The following TMEM229B variants were observed in gnomAD, a reference collection of about 807,000 sequenced individuals.
The protein encoded by TMEM229B is transmembrane protein 229B.
Under a neutral mutation model 13.7 loss-of-function variants are expected in TMEM229B, and 6 were observed. That is an observed-to-expected ratio of 0.44 (90% CI 0.24 to 0.86). The LOEUF is 0.86. Ranked by LOEUF, TMEM229B falls within the 40% of genes least tolerant of loss-of-function variation. The pLI is 0.23. For missense variants in TMEM229B, 170 were observed against 236.0 expected (o/e 0.72, Z 1.83); for synonymous variants, 107 against 102.1 (o/e 1.05, Z -0.29).
chr14:67,482,272 TGAG>T, intron 2 of TMEM229B, among the ~76,000 whole-genome samples: 1 of 152,130 alleles, frequency 6.6e-6, no homozygotes, highest in Non-Finnish European at 1.5e-5. Flanking sequence ...GGCCAGCAGT[TGAG>T]AGGGGTAAAG....
chr14:67,524,464 G>A (rs79136694), intron 1 of TMEM229B, among the ~76,000 whole-genome samples: 156 of 152,240 alleles, frequency 1.0e-3, no homozygotes, highest in African/African-American at 3.7e-3. Flanking sequence ...GAGTGAGAAG[G>A]GGTAGACAAA....
chr14:67,487,545 C>T (rs570872643), intron 1 of TMEM229B, among the ~76,000 whole-genome samples: 54 of 152,288 alleles, frequency 3.5e-4, no homozygotes, highest in Middle Eastern at 3.4e-3. Context: ...TTCTCAAGGG[C>T]GGTCAGAACC....
chr14:67,524,710 C>T (rs556235361), intron 1 of TMEM229B, among the ~76,000 whole-genome samples: 292 of 152,266 alleles, frequency 1.9e-3, no homozygotes, highest in Non-Finnish European at 1.6e-3. Flanking sequence ...CTTGGACAAC[C>T]GCCAAACCAC....
At chr14:67,474,243 C>T (rs1424774552) in intron 2 of TMEM229B, among the ~76,000 whole-genome samples, 1 of 145,288 alleles carries the variant, frequency 6.9e-6, no homozygotes, top group Non-Finnish European at 1.5e-5. Context: ...CAGAGTGAGA[C>T]TCTGTCTCCA....
At chr14:67,491,625 C>T (rs546839091), upstream of TMEM229B, among the ~76,000 whole-genome samples, 408 of 152,306 alleles carry the variant, frequency 2.7e-3, 3 homozygotes, top group Admixed American at 4.0e-3. Flanking sequence ...GCACCCTGAC[C>T]CAGGTGCCCA....
chr14:67,496,404 T>G (rs998308592), intron 1 of TMEM229B, among the ~76,000 whole-genome samples: 2 of 129,060 alleles, frequency 1.5e-5, no homozygotes, highest in South Asian at 3.0e-4. Context: ...TTTTTTTTTT[T>G]TTTTTTTTTT....
chr14:67,509,688 T>C (rs1293882850), intron 1 of TMEM229B, among the ~76,000 whole-genome samples: 1 of 152,166 alleles, frequency 6.6e-6, no homozygotes, highest in Non-Finnish European at 1.5e-5. Flanking sequence ...TGGTCTATTA[T>C]CTGATCCAAG....
intron 1 of TMEM229B, among the ~76,000 whole-genome samples, chr14:67,497,548 G>A (rs889783879): frequency 6.6e-6 from 1 of 152,108 alleles, no homozygotes; most frequent in Non-Finnish European, 1.5e-5. Context: ...CATGACTTTG[G>A]AACGTTCTAC....
exon 1 of TMEM229B, chr14:67,533,723 G>A: frequency 6.6e-6 from 1 of 152,174 alleles, no homozygotes; most frequent in Non-Finnish European, 1.5e-5. Context: ...ATCGGTGCTC[G>A]CTCCCTTTCA....
chr14:67,527,651 A>G lies in TMEM229B; in HGVS notation c.-192+5985T>C, dbSNP rs1404821621. On this transcript the variant is annotated intron_variant, in intron 1 of 2. Coordinates refer to the TMEM229B transcript ENST00000554278. ...TTCAGCAATTCTCAGATAAACCAAC[A>G]ATGTGTTTTGTACCGCAGCAGCCCC... is the stretch of plus-strand genomic sequence containing the variant. 1.1e-4 allele frequency among the ~76,000 whole-genome samples: 16 copies of G among 152,168 alleles called. 1 individual carries two copies. Among genetic ancestry groups the G allele is most frequent in the Admixed American group, 9.8e-4 (15 of 15,276 alleles).
At chr14:67,512,643 G>A (rs1020972129) in intron 1 of TMEM229B, among the ~76,000 whole-genome samples, 4 of 152,110 alleles carry the variant, frequency 2.6e-5, no homozygotes, top group Admixed American at 2.0e-4. Context: ...TACAGTTGCC[G>A]ATAAGACCAA....
chr14:67,473,194 G>A lies in TMEM229B; in HGVS notation c.*226C>T. Reference sequence around the variant, plus strand: ...CCCCTGAACTGGGCCGCGATCCATGGACCCTTCCCAATGTCCCTCTGCTGC... The same window carrying A: ...CCCCTGAACTGGGCCGCGATCCATGAACCCTTCCCAATGTCCCTCTGCTGC... On this transcript the variant is annotated 3_prime_UTR_variant, in exon 3 of 3. Transcript: ENST00000554480. This position sits in a 1 kb window ranked among gnomAD's most constrained non-coding sequence, Gnocchi z 6.5. The A allele has an allele frequency of 1.7e-6, 1 of 594,932 alleles. No homozygotes were observed. Among genetic ancestry groups the A allele is most frequent in the South Asian group, 2.0e-5 (1 of 49,420 alleles). The allele number at this position is 594,932 out of a possible 1,614,324, so 36.9% of individuals were successfully genotyped here.
At chr14:67,508,489 T>C (rs759466900) in intron 1 of TMEM229B, among the ~76,000 whole-genome samples, 1 of 152,050 alleles carries the variant, frequency 6.6e-6, no homozygotes, top group Non-Finnish European at 1.5e-5. Context: ...CCTTGCACAC[T>C]GTTCCATCAT....
At chr14:67,511,934 C>T (rs116086698) in intron 1 of TMEM229B, among the ~76,000 whole-genome samples, 703 of 152,286 alleles carry the variant, frequency 4.6e-3, no homozygotes, top group African/African-American at 0.016. Context: ...ATGTGTGTGT[C>T]GGGGTGAAAA....
chr14:67,498,767 G>T (rs1048684253), intron 1 of TMEM229B, among the ~76,000 whole-genome samples: 1 of 152,128 alleles, frequency 6.6e-6, no homozygotes, highest in Non-Finnish European at 1.5e-5. Flanking sequence ...CTGGGTTCAA[G>T]CAATTCTCCT....
At position 67,471,639 on chromosome 14, in the gene TMEM229B, T is replaced by C. The variant is rs1373929258; in HGVS notation, c.*1781A>G. ...TGAGGAGCCTGCCCAGGAAATAGGCTAGGAAATACCCTTCGTTCTGCTCTG... is the reference window on the plus strand; with the variant it reads ...TGAGGAGCCTGCCCAGGAAATAGGCCAGGAAATACCCTTCGTTCTGCTCTG... On this transcript the variant is annotated 3_prime_UTR_variant, in exon 3 of 3. Coordinates refer to ENST00000554480, the MANE Select transcript of TMEM229B (RefSeq NM_001348543.2). 6.6e-6 allele frequency: 1 copy of C among 152,202 alleles called. No individual in the cohort carries two copies. Among genetic ancestry groups the C allele is most frequent in the African/African-American group, 2.4e-5 (1 of 41,436 alleles). The allele number at this position is 152,202 out of a possible 1,614,324, so 9.4% of individuals were successfully genotyped here.
intron 2 of TMEM229B, among the ~76,000 whole-genome samples, chr14:67,482,684 A>T (rs2031654169): frequency 6.6e-6 from 1 of 152,174 alleles, no homozygotes; most frequent in African/African-American, 2.4e-5. Flanking sequence ...ACCTCCCTGA[A>T]CTTCCCCTGT....
chr14:67,510,603 G>C (rs1481195505), intron 1 of TMEM229B, among the ~76,000 whole-genome samples: 2 of 152,230 alleles, frequency 1.3e-5, no homozygotes, highest in Non-Finnish European at 2.9e-5. Context: ...TGGAACCGCT[G>C]CTTGTGTTGC....
intron 1 of TMEM229B, among the ~76,000 whole-genome samples, chr14:67,521,834 G>C (rs979748647): frequency 6.6e-6 from 1 of 152,218 alleles, no homozygotes; most frequent in Non-Finnish European, 1.5e-5. Flanking sequence ...TTTTAAGTAT[G>C]GGTTTAACTG....
Sources: allele counts gnomAD v4.1 joint callset (sites outside exome capture counted in the v4.1 genomes callset), GRCh38; gene constraint gnomAD v4.1.1; non-coding constraint Gnocchi (gnomAD v3.1); transcripts MANE v1.5; gene names NCBI Gene and HGNC (gene_info 2026-07-23, HGNC 2026-07-21).